The following CNTNAP5 variants were observed in gnomAD, a reference collection of about 807,000 sequenced individuals.
CNTNAP5 encodes the protein contactin associated protein family member 5.
Under a neutral mutation model 150.2 loss-of-function variants are expected in CNTNAP5, and 72 were observed. That is an observed-to-expected ratio of 0.48 (90% CI 0.40 to 0.58). The LOEUF is 0.58. Among genes scored for constraint, CNTNAP5 ranks in the 20% least tolerant of loss-of-function variants. The probability of loss-of-function intolerance (pLI) is 0.00; values close to 1 mark genes in which losing one functional copy is unlikely to be tolerated. For synonymous variants in CNTNAP5, 672 were observed against 619.8 expected, an observed-to-expected ratio of 1.08 and a Z score of -1.25; for missense variants, 1,636 against 1,626.2, an observed-to-expected ratio of 1.01 and a Z score of -0.10.
At chr2:124,890,383 CTGAT>C in intron 21 of CNTNAP5, among the ~76,000 whole-genome samples, 1 of 152,106 alleles carries the variant, frequency 6.6e-6, no homozygotes, top group East Asian at 1.9e-4. Context: ...AGAGATAAGT[CTGAT>C]TGTGTTCTTC....
chr2:124,551,139 C>G (rs888591757), intron 10 of CNTNAP5, among the ~76,000 whole-genome samples: 4 of 152,060 alleles, frequency 2.6e-5, no homozygotes, highest in Non-Finnish European at 1.5e-5. Flanking sequence ...CCGGCTTCTT[C>G]TTGAACCCCA....
chr2:124,559,234 A>G (rs983495807), intron 10 of CNTNAP5, among the ~76,000 whole-genome samples: 10 of 152,160 alleles, frequency 6.6e-5, no homozygotes, highest in African/African-American at 2.4e-4. Flanking sequence ...TTATTTGGAT[A>G]AACATTATAA....
intron 10 of CNTNAP5, 117 bp from the exon 11 acceptor site, chr2:124,563,100 T>C (rs1695932118): frequency 3.0e-6 from 2 of 663,264 alleles, no homozygotes; most frequent in East Asian, 5.4e-5. Context: ...GGTATGGGAG[T>C]ATAGCAAATC....
intron 3 of CNTNAP5, among the ~76,000 whole-genome samples, chr2:124,300,445 T>G (rs1404453709): frequency 6.6e-6 from 1 of 152,072 alleles, no homozygotes; most frequent in Admixed American, 6.5e-5. Flanking sequence ...TTGGGATGGA[T>G]AGGAATGAGT....
intron 19 of CNTNAP5, among the ~76,000 whole-genome samples, chr2:124,839,496 C>T (rs1682899530): frequency 6.6e-6 from 1 of 151,796 alleles, no homozygotes; most frequent in South Asian, 2.1e-4. Flanking sequence ...GCTAGATTTC[C>T]CTTTTTAAAT....
intron 19 of CNTNAP5, among the ~76,000 whole-genome samples, chr2:124,820,097 A>C (rs1429005705): frequency 6.6e-6 from 1 of 152,144 alleles, no homozygotes; most frequent in Non-Finnish European, 1.5e-5. Flanking sequence ...ATGAGTGTGC[A>C]TTGTTTTTTC....
At chr2:124,333,778 A>G (rs920185268) in intron 3 of CNTNAP5, among the ~76,000 whole-genome samples, 1 of 152,178 alleles carries the variant, frequency 6.6e-6, no homozygotes, top group Non-Finnish European at 1.5e-5. Flanking sequence ...GGGGCCTAAT[A>G]CTTATACATG....
intron 3 of CNTNAP5, among the ~76,000 whole-genome samples, chr2:124,264,554 A>G (rs976734118): frequency 1.3e-5 from 2 of 152,266 alleles, no homozygotes; most frequent in Non-Finnish European, 2.9e-5. Flanking sequence ...TTCCTGGGAA[A>G]ACTCCAGAAT....
At chr2:124,655,945 G>GAGAGAGAGAAAGAAAGAAAGAA (rs1553427800) in intron 13 of CNTNAP5, among the ~76,000 whole-genome samples, 3 of 55,490 alleles carry the variant, frequency 5.4e-5, no homozygotes, top group African/African-American at 7.5e-5. Flanking sequence ...GAGAGAGAGA[G>GAGAGAGAGAAAGAAAGAAAGAA]AGAAAGAAAG....
chr2:124,571,783 C>G (rs1696168209), intron 11 of CNTNAP5, among the ~76,000 whole-genome samples: 1 of 151,816 alleles, frequency 6.6e-6, no homozygotes, highest in African/African-American at 2.4e-5. Flanking sequence ...CCACCCATCT[C>G]AGCCTCCCAA....
intron 3 of CNTNAP5, among the ~76,000 whole-genome samples, chr2:124,373,116 A>G (rs1462773640): frequency 1.3e-5 from 2 of 152,180 alleles, no homozygotes; most frequent in Admixed American, 6.6e-5. Context: ...ATAGAGGAGC[A>G]GTGCCGTTCT....
intron 8 of CNTNAP5, among the ~76,000 whole-genome samples, chr2:124,510,414 AG>A (rs1457779668): frequency 8.0e-6 from 1 of 124,776 alleles, no homozygotes; most frequent in African/African-American, 3.1e-5. Flanking sequence ...ACTGCACTCC[AG>A]CCTAGGTGAC....
At chr2:124,219,946 G>A (rs1289613710) in intron 1 of CNTNAP5, among the ~76,000 whole-genome samples, 2 of 151,792 alleles carry the variant, frequency 1.3e-5, no homozygotes, top group Non-Finnish European at 2.9e-5. Flanking sequence ...GCTCGGTTTT[G>A]TATTTGTCAA....
At chr2:124,101,868 G>A (rs1319612627) in intron 1 of CNTNAP5, among the ~76,000 whole-genome samples, 1 of 152,144 alleles carries the variant, frequency 6.6e-6, no homozygotes, top group African/African-American at 2.4e-5. Context: ...AAATAGAAAA[G>A]GTTGATTTTA....
intron 1 of CNTNAP5, among the ~76,000 whole-genome samples, chr2:124,027,194 A>G (rs1383969750): frequency 6.6e-6 from 1 of 151,974 alleles, no homozygotes; most frequent in Admixed American, 6.6e-5. Context: ...ATTCTCTTCC[A>G]CCTCCTTCTT....
At chr2:124,723,866 C>T (rs901057564) in intron 13 of CNTNAP5, among the ~76,000 whole-genome samples, 1 of 152,074 alleles carries the variant, frequency 6.6e-6, no homozygotes, top group African/African-American at 2.4e-5. Context: ...TATCTTTAGG[C>T]CGGGTGCAGT....
chr2:124,758,099 T>C (rs1006962766), intron 14 of CNTNAP5, among the ~76,000 whole-genome samples: 1 of 152,080 alleles, frequency 6.6e-6, no homozygotes. Context: ...CCCCAAAGCC[T>C]AGGCAGAACC....
intron 19 of CNTNAP5, among the ~76,000 whole-genome samples, chr2:124,838,289 A>G (rs563016713): frequency 6.6e-6 from 1 of 152,130 alleles, no homozygotes; most frequent in Non-Finnish European, 1.5e-5. Flanking sequence ...ACACTAGAAG[A>G]CCATTAGATT....
At chr2:124,535,209 C>G (rs1423422012) in intron 10 of CNTNAP5, among the ~76,000 whole-genome samples, 1 of 152,094 alleles carries the variant, frequency 6.6e-6, no homozygotes, top group Non-Finnish European at 1.5e-5. Flanking sequence ...CGAGGAGATC[C>G]CCCAGCTCTG....
Sources: gnomAD v4.1 joint callset for allele counts (sites outside exome capture counted in the v4.1 genomes callset) on GRCh38, gnomAD v4.1.1 for gene constraint, MANE v1.5 for transcripts, NCBI Gene and HGNC (gene_info 2026-07-23, HGNC 2026-07-21) for gene names.